The following SLIT3 variants were observed in gnomAD, a reference collection of about 807,000 sequenced individuals.
SLIT3 encodes slit guidance ligand 3.
Under a neutral mutation model 184.0 loss-of-function variants are expected in SLIT3, and 68 were observed. The observed-to-expected ratio is 0.37, with a 90% CI of 0.30 to 0.45. The LOEUF (loss-of-function observed/expected upper bound fraction) is 0.45, where lower values mean the gene tolerates loss of function less well. SLIT3 is among the 20% of genes least tolerant of loss of function. The pLI is 1.00. For synonymous variants in SLIT3, 831 were observed against 828.6 expected, an observed-to-expected ratio of 1.00 and a Z score of -0.05; for missense variants, 1,707 against 2,026.0, an observed-to-expected ratio of 0.84 and a Z score of 3.02.
intron 26 of SLIT3, 68 bp from the exon 27 acceptor site, chr5:168,700,747 T>G: frequency 9.1e-7 from 1 of 1,101,530 alleles, no homozygotes; most frequent in Non-Finnish European, 1.4e-6. Flanking sequence ...CCCAGGGGAC[T>G]CCAGGGGTTC....
chr5:169,234,003 G>A (rs1765101015), intron 3 of SLIT3, among the ~76,000 whole-genome samples: 2 of 152,176 alleles, frequency 1.3e-5, no homozygotes, highest in Admixed American at 1.3e-4. Flanking sequence ...TATGTAAAAT[G>A]CTTTTAAATC....
chr5:168,672,316 C>T (rs541858234), intron 33 of SLIT3, among the ~76,000 whole-genome samples: 3 of 152,160 alleles, frequency 2.0e-5, no homozygotes, highest in African/African-American at 7.2e-5. Context: ...CTTCTGGGCC[C>T]GTGCTAGTCT....
chr5:169,033,929 C>T (rs970366556), intron 4 of SLIT3, among the ~76,000 whole-genome samples: 1 of 151,404 alleles, frequency 6.6e-6, no homozygotes, highest in African/African-American at 2.4e-5. Context: ...TCTCCTGCCT[C>T]AGCCTCCCGA....
At chr5:169,063,764 A>G (rs766548357) in intron 4 of SLIT3, among the ~76,000 whole-genome samples, 6 of 152,250 alleles carry the variant, frequency 3.9e-5, no homozygotes, top group Non-Finnish European at 8.8e-5. Context: ...AAGCTCCGGA[A>G]TGTTCATCTC....
chr5:168,841,701 A>G (rs1028639352), intron 6 of SLIT3, among the ~76,000 whole-genome samples: 3 of 152,180 alleles, frequency 2.0e-5, no homozygotes, highest in Non-Finnish European at 2.9e-5. Context: ...GTTTTATGGT[A>G]TTTCCATCCA....
At chr5:169,283,467 T>C (rs1437918775) in intron 1 of SLIT3, among the ~76,000 whole-genome samples, 2 of 152,182 alleles carry the variant, frequency 1.3e-5, no homozygotes, top group Non-Finnish European at 2.9e-5. Context: ...CTGACTTGGG[T>C]CATAAACTTA....
At chr5:168,866,951 C>G (rs1237366001) in intron 5 of SLIT3, among the ~76,000 whole-genome samples, 1 of 152,202 alleles carries the variant, frequency 6.6e-6, no homozygotes, top group African/African-American at 2.4e-5. Context: ...TGGCTCAGGA[C>G]TAGTGGGGAG....
At chr5:169,060,513 G>T (rs751981072) in intron 4 of SLIT3, among the ~76,000 whole-genome samples, 77 of 152,336 alleles carry the variant, frequency 5.1e-4, no homozygotes, top group Middle Eastern at 6.8e-3. Context: ...CAGGTAACCT[G>T]CACAGCACTG....
chr5:168,689,031 T>A (rs946985287), intron 29 of SLIT3, among the ~76,000 whole-genome samples: 1 of 152,206 alleles, frequency 6.6e-6, no homozygotes, highest in Non-Finnish European at 1.5e-5. Context: ...GGCAAATGTA[T>A]TGACCTTCTT....
chr5:169,072,792 T>A (rs1758601180), intron 4 of SLIT3, among the ~76,000 whole-genome samples: 1 of 152,226 alleles, frequency 6.6e-6, no homozygotes, highest in Non-Finnish European at 1.5e-5. Flanking sequence ...TGCCAAATCC[T>A]GGTCTGAGCA....
intron 4 of SLIT3, among the ~76,000 whole-genome samples, chr5:169,065,775 T>G (rs1429614963): frequency 2.6e-5 from 4 of 152,210 alleles, no homozygotes; most frequent in African/African-American, 7.2e-5. Context: ...CATGCACCCC[T>G]GCTTCTCTGT....
chr5:168,951,439 G>A (rs1212902690), intron 4 of SLIT3, among the ~76,000 whole-genome samples: 1 of 152,062 alleles, frequency 6.6e-6, no homozygotes, highest in Admixed American at 6.5e-5. Context: ...TGGGGGAGGT[G>A]GGTTCAGGCT....
chr5:169,245,471 A>G (rs1765557343), intron 2 of SLIT3, among the ~76,000 whole-genome samples: 2 of 152,192 alleles, frequency 1.3e-5, no homozygotes, highest in Non-Finnish European at 2.9e-5. Flanking sequence ...CTAACTTAAA[A>G]AAAAAATGGC....
intron 1 of SLIT3, among the ~76,000 whole-genome samples, chr5:169,290,923 C>G (rs1767344570): frequency 6.6e-6 from 1 of 152,106 alleles, no homozygotes; most frequent in Admixed American, 6.5e-5. Context: ...ATGGATATGA[C>G]TGGTAACAGA....
intron 4 of SLIT3, among the ~76,000 whole-genome samples, chr5:169,080,933 T>TA (rs1388232898): frequency 6.6e-6 from 1 of 151,994 alleles, no homozygotes; most frequent in African/African-American, 2.4e-5. Flanking sequence ...AAAAAAAATG[T>TA]AAAAAACCAG....
At position 168,786,111 on chromosome 5, in the gene SLIT3, T is replaced by A. The variant is rs876463; in HGVS notation, c.1080-133A>T. On this transcript the variant is annotated intron_variant, in intron 11 of 35. Transcript: ENST00000519560. Reference sequence around the variant, plus strand: ...ACAACCCCTTCCACGGCCTGCCTAATCCCTTCTCATCAGCGAGACAGAGGC... The same window carrying A: ...ACAACCCCTTCCACGGCCTGCCTAAACCCTTCTCATCAGCGAGACAGAGGC... 4,603 of 634,486 alleles carry A rather than the reference T, an allele frequency of 7.3e-3. 165 individuals are homozygous for A. The African/African-American group carries it at 0.074, about 10-fold the overall frequency. The allele number at this position is 634,486 out of a possible 1,614,324, so 39.3% of individuals were successfully genotyped here. A position where few individuals can be genotyped will look rare whatever the true frequency, so the allele number is the denominator to read the frequency against.
intron 4 of SLIT3, among the ~76,000 whole-genome samples, chr5:169,055,724 C>T (rs142709991): frequency 0.019 from 2,828 of 151,488 alleles, 92 homozygotes; most frequent in Admixed American, 0.081. Context: ...GCCAGCTACT[C>T]GGGAGGCTGA....
chr5:168,691,229 G>T (rs1761896991), intron 29 of SLIT3, among the ~76,000 whole-genome samples: 1 of 152,176 alleles, frequency 6.6e-6, no homozygotes, highest in Admixed American at 6.5e-5. Flanking sequence ...TGGACTGATG[G>T]GTGGGCTGGC....
chr5:169,066,242 G>A (rs907469448), intron 4 of SLIT3, among the ~76,000 whole-genome samples: 3 of 152,152 alleles, frequency 2.0e-5, no homozygotes, highest in African/African-American at 7.2e-5. Context: ...CCAAGCCCAG[G>A]GTCAATCCTA....
Sources: allele counts gnomAD v4.1 joint callset (sites outside exome capture counted in the v4.1 genomes callset), GRCh38; gene constraint gnomAD v4.1.1; transcripts MANE v1.5; gene names NCBI Gene and HGNC (gene_info 2026-07-23, HGNC 2026-07-21).